CRB2: variants seen among roughly 807,000 people sequenced by gnomAD.
The protein encoded by CRB2 is protein crumbs homolog 2.
CRB2 carries 85 observed loss-of-function variants against 110.9 expected under a neutral mutation model. That is an observed-to-expected ratio of 0.77 (90% confidence interval 0.64 to 0.92). The LOEUF (loss-of-function observed/expected upper bound fraction) is 0.92, where lower values mean the gene tolerates loss of function less well. Among genes scored for constraint, CRB2 ranks in the 40% least tolerant of loss-of-function variants. The pLI is 0.00. For synonymous variants in CRB2, 907 were observed against 831.0 expected, an observed-to-expected ratio of 1.09 and a Z score of -1.57; for missense variants, 1,843 against 1,851.3, an observed-to-expected ratio of 1.00 and a Z score of 0.08.
In CRB2 at chr9:123,362,982, G is replaced by T; in HGVS notation, c.212G>T (p.Cys71Phe). ...TGTGGGCCCATGGAGCCCCGGGGCT[G>T]TGCCACCCAGCCATGCCACCACGGC... is the stretch of plus-strand genomic sequence containing the variant. ...YTCGPMEPRG[C>F]ATQPCHHGAL... Residue 71 changes from cysteine to phenylalanine, a missense_variant, in exon 2 of 13, where the codon TGT becomes TTT. By Grantham distance (205) the Cys-to-Phe change is radical (BLOSUM62 -2). Transcript: ENST00000373631. 1 of 1,612,326 alleles carries T rather than the reference G, an allele frequency of 6.2e-7. No homozygotes were observed. The highest frequency in any genetic ancestry group is 8.5e-7 in the Non-Finnish European group (1 of 1,179,548).
chr9:123,378,773 C>T (rs2042146591), downstream of CRB2: 1 of 146,334 alleles, frequency 6.8e-6, no homozygotes, highest in Admixed American at 6.8e-5. Context: ...TGTCCTCTTC[C>T]TGGCTCCTGT....
chr9:123,367,783 G>A lies in CRB2; in HGVS notation c.1054+97G>A, dbSNP rs62579939. 7,943 of 821,154 alleles carry A rather than the reference G, an allele frequency of 9.7e-3. 52 individuals carry two copies. Among genetic ancestry groups the A allele is most frequent in the Non-Finnish European group, 0.013 (6,480 of 511,876 alleles). 50.9% of individuals were successfully genotyped at this position (821,154 alleles called of 1,614,324 possible). On this transcript the variant is annotated intron_variant, in intron 6 of 12. Transcript: ENST00000373631. Reference sequence around the variant, plus strand: ...GGATGTGTGGATTGATGGGGTCAAGGAGATCAGGGAGGAGGTGGGTATGGT... The same window carrying A: ...GGATGTGTGGATTGATGGGGTCAAGAAGATCAGGGAGGAGGTGGGTATGGT...
rs1449467980 is a variant in CRB2 at position 123,373,816 on chromosome 9, C to G, written c.3285C>G (p.Val1095=). 3.2e-6 allele frequency: 5 copies of G among 1,584,290 alleles called. No homozygotes were observed. The Admixed American group carries it at 5.1e-5, about 16-fold the overall frequency. Residue 1095 remains valine, a synonymous_variant, in exon 10 of 13, where the codon GTC becomes GTG. Transcript: ENST00000373631. ...GWEGPRCEAH[V]DPCHSAPCAR... is the part of the protein sequence containing the mutation. Reference sequence around the variant, plus strand: ...AAGGCCCGCGCTGCGAAGCCCACGTCGACCCCTGTCACTCCGCCCCCTGCG... The same window carrying G: ...AAGGCCCGCGCTGCGAAGCCCACGTGGACCCCTGTCACTCCGCCCCCTGCG...
Position 123,366,051 on chromosome 9 carries a change from C to T in CRB2, c.553C>T (p.Leu185Phe). Residue 185 changes from leucine (L) to phenylalanine (F), a missense_variant, in exon 3 of 13, where the codon CTC becomes TTC. Leu to Phe is a conservative substitution (Grantham distance 22). Coordinates refer to ENST00000373631, the MANE Select transcript of CRB2 (RefSeq NM_173689.7). ...GYGGTRCQLDLDECQSQPCAH... is the reference protein window; with the variant it reads ...GYGGTRCQLDFDECQSQPCAH... ...CGGGGGCACCCGTTGCCAGCTGGAC[C>T]TCGACGAGTGCCAGAGCCAGCCGTG... The T allele has an allele frequency of 6.3e-7, 1 of 1,581,394 alleles. No homozygotes were observed. The highest frequency in any genetic ancestry group is 1.1e-5 in the South Asian group (1 of 88,690).
intron 4 of CRB2, among the ~76,000 whole-genome samples, 182 bp downstream of exon 4, chr9:123,366,548 C>T (rs1460724512): frequency 6.6e-6 from 1 of 152,176 alleles, no homozygotes; most frequent in African/African-American, 2.4e-5. Context: ...TAGGGCTGAT[C>T]GTAGCGCCTG....
intron 2 of CRB2, 116 bp downstream of exon 2, chr9:123,363,304 C>T (rs1215107176): frequency 2.1e-5 from 24 of 1,126,402 alleles, no homozygotes; most frequent in Middle Eastern, 4.9e-4. Flanking sequence ...CCCAGGCATC[C>T]GGGCAGCTCT....
chr9:123,377,026 T>G lies in CRB2; in HGVS notation c.3822T>G (p.Ser1274Arg), dbSNP rs1588224013. ...CTGGGGCCCGGCTGGAGATGGACAG[T>G]GTCCTCAAGGTGCCACCGGAGGAGA... ...EVAGARLEMDSVLKVPPEERL... is the reference protein window; with the variant it reads ...EVAGARLEMDRVLKVPPEERL... Residue 1274 changes from serine (S) to arginine (R), a missense_variant, in exon 13 of 13, where the codon AGT (serine) becomes AGG (arginine). Ser to Arg is a moderately radical substitution (Grantham distance 110). Coordinates refer to ENST00000373631, the MANE Select transcript of CRB2 (RefSeq NM_173689.7). The G allele has an allele frequency of 6.2e-7, 1 of 1,604,716 alleles. No homozygotes were observed. Among genetic ancestry groups the G allele is most frequent in the East Asian group, 2.2e-5 (1 of 44,628 alleles).
In CRB2 at chr9:123,376,950, G is replaced by A. The variant is rs147412276; in HGVS notation, c.3746G>A (p.Arg1249Gln). The change falls in exon 13 of 13, where the codon CGA becomes CAA. Residue 1249 changes from arginine to glutamine, a missense_variant. By Grantham distance (43) the Arg-to-Gln change is conservative (BLOSUM62 1). Transcript: ENST00000373631. ...CTCCTTTCAGGGATCCTGGCAGCCC[G>A]AAAGCGCCGCCAGTCTGAGGGCACC... ...LGLLSGILAA[R>Q]KRRQSEGTYS... The A allele has an allele frequency of 7.2e-4, 1,163 of 1,606,200 alleles. 11 individuals are homozygous for A. Among genetic ancestry groups the A allele is most frequent in the Admixed American group, 4.6e-4 (27 of 58,878 alleles).
At position 123,374,569 on chromosome 9, in the gene CRB2, C is replaced by A; in HGVS notation, c.3390-10C>A. 1 of 1,606,622 alleles carries A rather than the reference C, an allele frequency of 6.2e-7. No homozygotes were observed. The highest frequency in any genetic ancestry group is 8.5e-7 in the Non-Finnish European group (1 of 1,174,324). ...TCCTGCACCCACTCCAGCCTCTGCT[C>A]TCTCCCCAGGTTGCCTGTCCCATCC... On this transcript the variant is annotated splice_polypyrimidine_tract_variant and intron_variant, in intron 10 of 12. Transcript: ENST00000373631.
At chr9:123,359,315 G>A (rs997817271) in intron 1 of CRB2, among the ~76,000 whole-genome samples, 1 of 151,738 alleles carries the variant, frequency 6.6e-6, no homozygotes, top group Non-Finnish European at 1.5e-5. Flanking sequence ...CCCTATGCTA[G>A]AAGTTCCCAC....
chr9:123,371,339 T>A lies in CRB2; in HGVS notation c.2197T>A (p.Phe733Ile), dbSNP rs2042013445. Residue 733 changes from phenylalanine (F) to isoleucine (I), a missense_variant, in exon 8 of 13, where the codon TTC becomes ATC. Transcript: ENST00000373631. Reference sequence around the variant, plus strand: ...GCTCCGTCACCTGGTGATGCTCAGCTTCGGGCCTGACCAGCTGCAGGACCT... The same window carrying A: ...GCTCCGTCACCTGGTGATGCTCAGCATCGGGCCTGACCAGCTGCAGGACCT... ...DGLRHLVMLS[F>I]GPDQLQDLGQ... 1 of 1,606,840 alleles carries A rather than the reference T, an allele frequency of 6.2e-7. No homozygotes were observed.
chr9:123,375,761 C>T (rs899916967), intron 12 of CRB2, among the ~76,000 whole-genome samples: 28 of 151,902 alleles, frequency 1.8e-4, no homozygotes, highest in African/African-American at 6.8e-4. Context: ...GGGCAGGGGG[C>T]CTGGGAGTCC....
chr9:123,370,452 A>G lies in CRB2; in HGVS notation c.1399A>G (p.Thr467Ala), dbSNP rs2132773937. 1.2e-6 allele frequency: 2 copies of G among 1,613,302 alleles called. No homozygotes were observed. Among genetic ancestry groups the G allele is most frequent in the Non-Finnish European group, 1.7e-6 (2 of 1,179,964 alleles). The part of the protein sequence containing the change: ...GPLGLALRFR[T>A]TLPAGTLATR... ...CCTGGGTCTGGCACTGAGGTTTCGCACCACACTGCCCGCTGGGACCTTGGC... is the reference window on the plus strand; with the variant it reads ...CCTGGGTCTGGCACTGAGGTTTCGCGCCACACTGCCCGCTGGGACCTTGGC... The change falls in exon 7 of 13, where the codon ACC (threonine) becomes GCC (alanine). Residue 467 changes from threonine (T) to alanine (A), a missense_variant. By Grantham distance (58) the Thr-to-Ala change is moderately conservative. Coordinates refer to ENST00000373631, the MANE Select transcript of CRB2 (RefSeq NM_173689.7).
At chr9:123,355,792 T>C (rs937797326), upstream of CRB2, among the ~76,000 whole-genome samples, 5 of 140,338 alleles carry the variant, frequency 3.6e-5, no homozygotes, top group African/African-American at 1.4e-4. Context: ...GGGAGGCGAC[T>C]GGACTCGAAG....
Position 123,373,801 on chromosome 9 carries a change from C to G in CRB2, c.3270C>G (p.Arg1090=). The G allele has an allele frequency of 1.9e-6, 3 of 1,590,136 alleles. No homozygotes were observed. The highest frequency in any genetic ancestry group is 2.6e-6 in the Non-Finnish European group (3 of 1,176,050). The change falls in exon 10 of 13, where the codon CGC becomes CGG. Residue 1090 remains arginine (R), a synonymous_variant. Transcript: ENST00000373631. ...GCGGCCCGGGGTGGGAAGGCCCGCG[C>G]TGCGAAGCCCACGTCGACCCCTGTC... ...CACGPGWEGP[R]CEAHVDPCHS... is the part of the protein sequence containing the mutation.
chr9:123,356,480 G>C, intron 1 of CRB2, 126 bp downstream of exon 1: 1 of 577,408 alleles, frequency 1.7e-6, no homozygotes, highest in Non-Finnish European at 2.8e-6. Flanking sequence ...GAGCTGTGGG[G>C]TGCACAGGAG....
chr9:123,375,223 G>A lies in CRB2; in HGVS notation c.3513G>A (p.Gln1171=), dbSNP rs2042084876. 6.2e-7 allele frequency: 1 copy of A among 1,612,682 alleles called. No individual in the cohort carries two copies. The highest frequency in any genetic ancestry group is 1.1e-5 in the South Asian group (1 of 90,898). ...CLEGLAGQRC[Q]VPTLPCEANP... The stretch of plus-strand genomic sequence containing the variant: ...AGCCCCCCTCCCTCTCCAGGTGTCA[G>A]GTCCCCACTCTCCCCTGTGAAGCCA... Residue 1171 remains glutamine, a synonymous_variant, in exon 12 of 13, where the codon CAG becomes CAA. Transcript: ENST00000373631.
chr9:123,375,765 G>C (rs2042093596), intron 12 of CRB2, among the ~76,000 whole-genome samples: 2 of 151,712 alleles, frequency 1.3e-5, no homozygotes, highest in African/African-American at 4.8e-5. Context: ...AGGGGGCCTG[G>C]GAGTCCGCAC....
chr9:123,372,376 G>C (rs1320610644), intron 9 of CRB2, 34 bp downstream of exon 9: 2 of 1,558,168 alleles, frequency 1.3e-6, no homozygotes, highest in Non-Finnish European at 1.7e-6. Context: ...CCCGTGCTGG[G>C]TGCTGGACAC....
Sources: gnomAD v4.1 joint callset for allele counts (sites outside exome capture counted in the v4.1 genomes callset) on GRCh38, gnomAD v4.1.1 for gene constraint, MANE v1.5 for transcripts, NCBI Gene and HGNC (gene_info 2026-07-23, HGNC 2026-07-21) for gene names.